The following MAST4 variants were observed in gnomAD, a reference collection of about 807,000 sequenced individuals.
MAST4 encodes the protein microtubule-associated serine/threonine-protein kinase 4.
Under a neutral mutation model 162.7 loss-of-function variants are expected in MAST4, and 89 were observed. The ratio of observed to expected loss-of-function variants is 0.55; its 90% CI spans 0.46 to 0.65. The LOEUF (loss-of-function observed/expected upper bound fraction) is 0.65. MAST4 is among the 30% of genes least tolerant of loss of function. The pLI is 0.00. For missense variants in MAST4, 3,153 were observed against 3,374.0 expected (o/e 0.93, Z 1.62); for synonymous variants, 1,479 against 1,361.1 (o/e 1.09, Z -1.91).
intron 1 of MAST4, among the ~76,000 whole-genome samples, chr5:66,718,309 T>C (rs569540393): frequency 6.6e-6 from 1 of 152,156 alleles, no homozygotes; most frequent in African/African-American, 2.4e-5. Flanking sequence ...TCTTTCGGTA[T>C]AAATGATTAA....
intron 3 of MAST4, among the ~76,000 whole-genome samples, chr5:66,807,938 G>T (rs1756281711): frequency 6.6e-6 from 1 of 152,216 alleles, no homozygotes; most frequent in African/African-American, 2.4e-5. Flanking sequence ...CTGCCTTGAG[G>T]CTATGATGGA....
intron 3 of MAST4, among the ~76,000 whole-genome samples, chr5:66,792,998 A>G (rs970493706): frequency 6.6e-6 from 1 of 152,152 alleles, no homozygotes; most frequent in African/African-American, 2.4e-5. Flanking sequence ...TAGGCCCTCA[A>G]CGTGAGAGGT....
chr5:66,888,438 T>G (rs1190821221), intron 3 of MAST4, among the ~76,000 whole-genome samples: 1 of 152,208 alleles, frequency 6.6e-6, no homozygotes, highest in Admixed American at 6.5e-5. Flanking sequence ...GACTGCTAGA[T>G]AAACCACAAG....
chr5:66,647,314 C>G (rs1012001288), intron 1 of MAST4, among the ~76,000 whole-genome samples: 4 of 152,164 alleles, frequency 2.6e-5, no homozygotes, highest in African/African-American at 7.2e-5. Context: ...ACTAGTCATT[C>G]TGGCCTCTGA....
intron 4 of MAST4, among the ~76,000 whole-genome samples, chr5:67,014,708 T>G (rs1299449637): frequency 6.6e-6 from 1 of 152,238 alleles, no homozygotes; most frequent in Non-Finnish European, 1.5e-5. Context: ...ATCAGAGACC[T>G]GCTCTCTTCA....
At chr5:66,662,260 T>C (rs549152129) in intron 1 of MAST4, 31 of 152,286 alleles carry the variant, frequency 2.0e-4, no homozygotes, top group African/African-American at 7.5e-4. Flanking sequence ...ACTATTCTTA[T>C]TGCCCTTCCA....
At position 67,122,268 on chromosome 5, in the gene MAST4, AG is replaced by A. The variant is rs1253161408; in HGVS notation, c.1745+1167del. Among the ~76,000 whole-genome samples, 3 of 152,222 alleles carry A rather than the reference AG, an allele frequency of 2.0e-5. No homozygotes were observed. The East Asian group carries it at 5.8e-4, about 29-fold the overall frequency. On this transcript the variant is annotated intron_variant, in intron 14 of 28. Coordinates refer to ENST00000403625, the MANE Select transcript of MAST4 (RefSeq NM_001164664.2). ...ATCACACATGAGCAGATGAAACAAA[AG>A]AAGTTTTTGTTGTGCCACAAGGGAT...
chr5:67,078,157 G>T (rs1040057937), intron 5 of MAST4, among the ~76,000 whole-genome samples: 4 of 151,926 alleles, frequency 2.6e-5, no homozygotes, highest in African/African-American at 9.7e-5. Context: ...AAAATAATTT[G>T]GGATTGAAGA....
At chr5:66,855,604 T>G (rs1207603296) in intron 3 of MAST4, among the ~76,000 whole-genome samples, 1 of 152,152 alleles carries the variant, frequency 6.6e-6, no homozygotes, top group African/African-American at 2.4e-5. Flanking sequence ...AAGGAAGCAA[T>G]GCCAGTGTAA....
At chr5:67,078,113 A>ATAAC (rs929759437) in intron 5 of MAST4, among the ~76,000 whole-genome samples, 3 of 152,162 alleles carry the variant, frequency 2.0e-5, no homozygotes, top group African/African-American at 7.2e-5. Context: ...AAATAAATAA[A>ATAAC]TAAATAACTA....
At chr5:67,119,041 A>G (rs1038018025) in intron 13 of MAST4, among the ~76,000 whole-genome samples, 4 of 152,226 alleles carry the variant, frequency 2.6e-5, no homozygotes, top group African/African-American at 9.6e-5. Context: ...GACACAGGCT[A>G]CATCAGAGGA....
chr5:67,134,734 C>T, intron 18 of MAST4, 46 bp downstream of exon 18: 1 of 1,493,320 alleles, frequency 6.7e-7, no homozygotes, highest in African/African-American at 1.4e-5. Context: ...TGGGAAGCAG[C>T]TATTTAATGT....
At chr5:67,091,659 A>G (rs372517107) in intron 6 of MAST4, among the ~76,000 whole-genome samples, 1 of 152,200 alleles carries the variant, frequency 6.6e-6, no homozygotes, top group African/African-American at 2.4e-5. Context: ...AATAAGCAAA[A>G]TGGAAATCTC....
intron 1 of MAST4, among the ~76,000 whole-genome samples, chr5:66,597,627 C>G (rs751421095): frequency 1.3e-5 from 2 of 152,206 alleles, no homozygotes; most frequent in Non-Finnish European, 2.9e-5. Flanking sequence ...CTGCAGCTCC[C>G]GTTCAGACTT....
chr5:67,067,921 C>T (rs1305592446), intron 5 of MAST4, among the ~76,000 whole-genome samples: 2 of 152,090 alleles, frequency 1.3e-5, no homozygotes, highest in Non-Finnish European at 2.9e-5. Context: ...GCTGAAGAAT[C>T]GGTGTACACA....
At chr5:67,023,861 CTCT>C (rs1448973053) in intron 4 of MAST4, among the ~76,000 whole-genome samples, 1 of 151,850 alleles carries the variant, frequency 6.6e-6, no homozygotes, top group African/African-American at 2.4e-5. Flanking sequence ...ACTGCTCCAT[CTCT>C]TCTTCATTCT....
At chr5:66,849,435 C>G (rs1460581191) in intron 3 of MAST4, among the ~76,000 whole-genome samples, 1 of 152,176 alleles carries the variant, frequency 6.6e-6, no homozygotes, top group East Asian at 1.9e-4. Flanking sequence ...CCTTTCCCCT[C>G]TCTCTTTACC....
intron 10 of MAST4, among the ~76,000 whole-genome samples, chr5:67,109,821 T>C (rs1766017483): frequency 6.6e-6 from 1 of 152,202 alleles, no homozygotes; most frequent in South Asian, 2.1e-4. Flanking sequence ...TCTCCTTCAT[T>C]CATGGTTCAC....
chr5:66,718,854 T>C (rs924569813), intron 1 of MAST4, among the ~76,000 whole-genome samples: 22 of 152,204 alleles, frequency 1.4e-4, no homozygotes, highest in African/African-American at 5.3e-4. Context: ...ACTTCGAGTA[T>C]AGTTTGTGAG....
Sources: gnomAD v4.1 joint callset for allele counts (sites outside exome capture counted in the v4.1 genomes callset) on GRCh38, gnomAD v4.1.1 for gene constraint, MANE v1.5 for transcripts, NCBI Gene and HGNC (gene_info 2026-07-23, HGNC 2026-07-21) for gene names.